Variants in UBAP1 observed in about 807,000 individuals in gnomAD.
UBAP1 encodes ubiquitin associated protein 1.
A neutral mutation model predicts 39.0 loss-of-function variants in UBAP1; 5 were observed. That is an observed-to-expected ratio of 0.13 (90% CI 0.07 to 0.27). The LOEUF is 0.27. Among genes scored for constraint, UBAP1 ranks in the 10% least tolerant of loss-of-function variants. The pLI is 1.00. For missense variants in UBAP1, 490 were observed against 608.1 expected, an observed-to-expected ratio of 0.81 and a Z score of 2.04; for synonymous variants, 211 against 225.1, an observed-to-expected ratio of 0.94 and a Z score of 0.56.
chr9:34,179,359 A>C, intron 1 of UBAP1, 119 bp downstream of exon 1: 1 of 753,626 alleles, frequency 1.3e-6, no homozygotes, highest in Non-Finnish European at 1.8e-6. Context: ...CGCCGGAGCT[A>C]GGAGGTGGGA....
At chr9:34,218,879 A>G (rs950040007) in intron 1 of UBAP1, among the ~76,000 whole-genome samples, 2 of 152,076 alleles carry the variant, frequency 1.3e-5, no homozygotes, top group African/African-American at 4.8e-5. Flanking sequence ...AGAGGTTGCA[A>G]TAAAGATTGT....
chr9:34,224,033 T>C, intron 2 of UBAP1: 1 of 524,258 alleles, frequency 1.9e-6, no homozygotes, highest in East Asian at 3.2e-5. Context: ...CTCCAACTCC[T>C]TCCCCTCTAG....
At chr9:34,213,243 C>T (rs1263425688) in intron 1 of UBAP1, among the ~76,000 whole-genome samples, 1 of 152,086 alleles carries the variant, frequency 6.6e-6, no homozygotes, top group African/African-American at 2.4e-5. Context: ...CAGTGGCTCA[C>T]ATCACACCTG....
intron 2 of UBAP1, among the ~76,000 whole-genome samples, chr9:34,222,239 C>CT (rs1832798958): frequency 6.6e-6 from 1 of 152,144 alleles, no homozygotes; most frequent in African/African-American, 2.4e-5. Context: ...GATCACTCAG[C>CT]TGAGTCAGAG....
intron 1 of UBAP1, among the ~76,000 whole-genome samples, chr9:34,199,445 A>G (rs1434188179): frequency 6.6e-6 from 1 of 152,134 alleles, no homozygotes; most frequent in Non-Finnish European, 1.5e-5. Flanking sequence ...TTTACAGAAC[A>G]TTTGTAGAGA....
At chr9:34,221,007 A>C (rs1832725387) in intron 2 of UBAP1, 59 bp downstream of exon 2, 1 of 1,513,036 alleles carries the variant, frequency 6.6e-7, no homozygotes, top group Non-Finnish European at 9.1e-7. Flanking sequence ...ATTTGGAATC[A>C]CTTAGCATAG....
chr9:34,198,319 G>T (rs900791079), intron 1 of UBAP1, among the ~76,000 whole-genome samples: 1 of 152,224 alleles, frequency 6.6e-6, no homozygotes, highest in East Asian at 1.9e-4. Flanking sequence ...CTGTTGAATG[G>T]GGGCATTGGC....
In UBAP1 at chr9:34,192,515, CAAA is replaced by C. The variant is rs4008753; in HGVS notation, c.-8+13295_-8+13297del. Among the ~76,000 whole-genome samples, 214 of 107,486 alleles carry C rather than the reference CAAA, an allele frequency of 2.0e-3. 1 individual carries two copies. Among genetic ancestry groups the C allele is most frequent in the East Asian group, 0.016 (65 of 4,100 alleles). The allele number at this position is 107,486 out of a possible 152,430, so 70.5% of individuals were successfully genotyped here. A position where few individuals can be genotyped will look rare whatever the true frequency, so the allele number is the denominator to read the frequency against. On this transcript the variant is annotated intron_variant, in intron 1 of 6. Coordinates refer to ENST00000297661, the MANE Select transcript of UBAP1 (RefSeq NM_016525.5). ...GGGTGGATAGAATGAGACTCCATCTCAAAAAAAAAAAAAAAAAAAAAAGATCTA... is the reference window on the plus strand; with the variant it reads ...GGGTGGATAGAATGAGACTCCATCTCAAAAAAAAAAAAAAAAAAAGATCTA...
In UBAP1 at chr9:34,234,357, A is replaced by G; in HGVS notation, c.159+17A>G. The G allele has an allele frequency of 1.9e-6, 3 of 1,578,030 alleles. No individual in the cohort carries two copies. The highest frequency in any genetic ancestry group is 2.6e-6 in the Non-Finnish European group (3 of 1,168,988). On this transcript the variant is annotated intron_variant, in intron 3 of 6. Transcript: ENST00000297661. ...GAAGTACAGGTAAGTGGTAATTTTT[A>G]GTTAAAGTTTAGTGCATTTAAAAGT...
chr9:34,245,797 C>A (rs1027891126), intron 4 of UBAP1, among the ~76,000 whole-genome samples: 3 of 127,628 alleles, frequency 2.4e-5, no homozygotes, highest in African/African-American at 9.1e-5. Flanking sequence ...CTGACTCCCC[C>A]CTTTCCTACT....
chr9:34,184,678 A>G (rs1178300929), intron 1 of UBAP1, among the ~76,000 whole-genome samples: 2 of 147,580 alleles, frequency 1.4e-5, no homozygotes, highest in Non-Finnish European at 3.0e-5. Flanking sequence ...GCTGGAGTGC[A>G]GTGGCACAAT....
At chr9:34,250,990 A>G in intron 6 of UBAP1, 1 of 543,318 alleles carries the variant, frequency 1.8e-6, no homozygotes, top group Non-Finnish European at 3.3e-6. Context: ...GGAAGGGAAT[A>G]TTGGCCTGGG....
At chr9:34,201,828 C>T (rs985904958) in intron 1 of UBAP1, among the ~76,000 whole-genome samples, 3 of 152,126 alleles carry the variant, frequency 2.0e-5, no homozygotes, top group African/African-American at 7.2e-5. Flanking sequence ...CAAGTCTGGG[C>T]CTCAAGTGCT....
At chr9:34,193,508 C>G (rs1830851487) in intron 1 of UBAP1, among the ~76,000 whole-genome samples, 1 of 152,060 alleles carries the variant, frequency 6.6e-6, no homozygotes, top group Admixed American at 6.6e-5. Context: ...GTCTTCAAGA[C>G]TGCCTGCACA....
chr9:34,192,613 A>G (rs1033416521), intron 1 of UBAP1, among the ~76,000 whole-genome samples: 1 of 149,660 alleles, frequency 6.7e-6, no homozygotes, highest in Non-Finnish European at 1.5e-5. Context: ...TTATTTTTCA[A>G]TTTTCTTTAG....
chr9:34,182,677 T>TCTC (rs1563881334), intron 1 of UBAP1, among the ~76,000 whole-genome samples: 2,332 of 71,676 alleles, frequency 0.033, 59 homozygotes, highest in East Asian at 0.1. Flanking sequence ...CTTTCTTTCT[T>TCTC]TCTTTCTCTC....
chr9:34,230,321 C>T (rs749242130), intron 2 of UBAP1, among the ~76,000 whole-genome samples: 5 of 152,196 alleles, frequency 3.3e-5, no homozygotes, highest in Non-Finnish European at 5.9e-5. Flanking sequence ...GCCTTGGCCT[C>T]TCAAATTGCT....
intron 4 of UBAP1, among the ~76,000 whole-genome samples, chr9:34,242,436 C>T (rs1834008720): frequency 6.6e-6 from 1 of 152,148 alleles, no homozygotes; most frequent in Non-Finnish European, 1.5e-5. Flanking sequence ...GTGTGAGCCA[C>T]CAAGACTGGC....
rs78695015 is a variant in UBAP1, at chr9:34,249,131, T to C, written c.1084-648T>C. 9.2e-5 allele frequency among the ~76,000 whole-genome samples: 14 copies of C among 152,228 alleles called. No individual in the cohort carries two copies. In the East Asian group the frequency reaches 2.5e-3, roughly 27 times the overall value. On this transcript the variant is annotated intron_variant, in intron 4 of 6. Transcript: ENST00000297661. ...GTGGGATCCAGCCTGGTGTGGCTAGTATGCCTTCTGTCCTGGCACTGTAGG... is the reference window on the plus strand; with the variant it reads ...GTGGGATCCAGCCTGGTGTGGCTAGCATGCCTTCTGTCCTGGCACTGTAGG...
Sources: gnomAD v4.1 joint callset for allele counts (sites outside exome capture counted in the v4.1 genomes callset) on GRCh38, gnomAD v4.1.1 for gene constraint, MANE v1.5 for transcripts, NCBI Gene and HGNC (gene_info 2026-07-23, HGNC 2026-07-21) for gene names.